The following DNAH3 variants were observed in gnomAD, a reference collection of about 807,000 sequenced individuals.
The protein encoded by DNAH3 is dynein axonemal heavy chain 3.
A neutral mutation model predicts 432.5 loss-of-function variants in DNAH3; 332 were observed. The ratio of observed to expected loss-of-function variants is 0.77; its 90% CI spans 0.70 to 0.84. DNAH3 has a LOEUF of 0.84. Among genes scored for constraint, DNAH3 ranks in the 40% least tolerant of loss-of-function variants. The pLI is 0.00. For missense variants in DNAH3, 4,861 were observed against 5,114.0 expected (o/e 0.95, Z 1.51); for synonymous variants, 1,956 against 1,900.2 (o/e 1.03, Z -0.76).
chr16:21,118,121 G>C (rs1364677341), intron 11 of DNAH3, among the ~76,000 whole-genome samples: 1 of 151,976 alleles, frequency 6.6e-6, no homozygotes, highest in East Asian at 1.9e-4. Context: ...CCGAGTAGCT[G>C]GGATTACAGG....
At chr16:21,037,801 T>C in exon 34 of DNAH3, 4 of 1,614,168 alleles carry the variant, frequency 2.5e-6, no homozygotes, top group Non-Finnish European at 3.4e-6. Context: ...CTTGGCCAGA[T>C]TGACATCAAG....
intron 27 of DNAH3, among the ~76,000 whole-genome samples, chr16:21,055,634 G>A (rs2090106144): frequency 6.6e-6 from 1 of 151,952 alleles, no homozygotes; most frequent in East Asian, 1.9e-4. Flanking sequence ...AGGAAAAAAA[G>A]TAAGACCACC....
chr16:21,029,910 GA>G (rs2088786319), intron 37 of DNAH3, among the ~76,000 whole-genome samples: 1 of 152,110 alleles, frequency 6.6e-6, no homozygotes, highest in Non-Finnish European at 1.5e-5. Context: ...CAGTAGCCAT[GA>G]CTTCCAGACT....
At chr16:21,126,300 G>A (rs574675859) in intron 8 of DNAH3, among the ~76,000 whole-genome samples, 2 of 152,042 alleles carry the variant, frequency 1.3e-5, no homozygotes, top group African/African-American at 2.4e-5. Context: ...TTCTCTGATC[G>A]CTAAAAAGGT....
chr16:20,941,775 T>A (rs1396326698), intron 58 of DNAH3, among the ~76,000 whole-genome samples: 2 of 152,144 alleles, frequency 1.3e-5, no homozygotes. Flanking sequence ...GTCCTGTCCT[T>A]GGCAGAGCAC....
chr16:20,969,338 G>A (rs1332712652), intron 52 of DNAH3, among the ~76,000 whole-genome samples: 1 of 151,986 alleles, frequency 6.6e-6, no homozygotes, highest in African/African-American at 2.4e-5. Context: ...AGGTGTCTGG[G>A]TCTCCATTTA....
intron 60 of DNAH3, 60 bp from the exon 61 acceptor site, chr16:20,935,545 C>T: frequency 6.4e-7 from 1 of 1,566,274 alleles, no homozygotes; most frequent in Non-Finnish European, 8.7e-7. Context: ...AGTTCAAATG[C>T]AAGTAATGTA....
intron 50 of DNAH3, among the ~76,000 whole-genome samples, chr16:20,977,002 G>A (rs1289590604): frequency 6.6e-6 from 1 of 152,184 alleles, no homozygotes; most frequent in Non-Finnish European, 1.5e-5. Flanking sequence ...TTCCTGCCAA[G>A]TAGTTTTCTG....
At position 21,148,517 on chromosome 16, in the gene DNAH3, A is replaced by C. The variant is rs561760722; in HGVS notation, c.118-2429T>G. On this transcript the variant is annotated intron_variant, in intron 1 of 61. Transcript: ENST00000261383. Reference sequence around the variant, plus strand: ...CAGTGACACAATCTTGGCTCACTACAACTGCAACCTCCACCCCCTAGGTTC... The same window carrying C: ...CAGTGACACAATCTTGGCTCACTACCACTGCAACCTCCACCCCCTAGGTTC... 9.2e-5 allele frequency among the ~76,000 whole-genome samples: 14 copies of C among 151,398 alleles called. No homozygotes were observed. The South Asian group carries it at 2.1e-3, about 23-fold the overall frequency.
At chr16:21,083,047 C>T (rs1470399798) in intron 19 of DNAH3, among the ~76,000 whole-genome samples, 4 of 147,756 alleles carry the variant, frequency 2.7e-5, no homozygotes, top group Non-Finnish European at 5.9e-5. Flanking sequence ...GAGAGAGTCT[C>T]GCTCTGTCAC....
chr16:21,091,313 T>A (rs890947490), intron 18 of DNAH3, among the ~76,000 whole-genome samples: 19 of 151,784 alleles, frequency 1.3e-4, no homozygotes, highest in Non-Finnish European at 2.4e-4. Flanking sequence ...GAATATCACA[T>A]TGAACCCCAT....
At chr16:21,016,633 A>G (rs553344989) in intron 41 of DNAH3, among the ~76,000 whole-genome samples, 1 of 152,312 alleles carries the variant, frequency 6.6e-6, no homozygotes, top group African/African-American at 2.4e-5. Flanking sequence ...TAGCATTAAC[A>G]TATGATCCAG....
At position 20,997,355 on chromosome 16, in the gene DNAH3, TG is replaced by T. The variant is rs1567610055; in HGVS notation, c.6528del (p.Arg2177GlyfsTer10). On this transcript the variant is annotated frameshift_variant, in exon 44 of 62. Transcript: ENST00000261383. LOFTEE classifies it high-confidence loss of function. ...AGCAGCATGTCCACGATGTCCAGCC[TG>T]GTTGTGTCTTTTTTGTCAAACCAGT... 6.2e-7 allele frequency: 1 copy of T among 1,614,210 alleles called. No individual in the cohort carries two copies. Among genetic ancestry groups the T allele is most frequent in the Admixed American group, 1.7e-5 (1 of 60,022 alleles).
chr16:20,936,858 A>G lies in DNAH3; in HGVS notation c.11655-5T>C, dbSNP rs1359187772. On this transcript the variant is annotated splice_polypyrimidine_tract_variant and splice_region_variant and intron_variant, in intron 59 of 61. Coordinates refer to ENST00000261383, the Ensembl canonical transcript of DNAH3. ...CTCCGAACCACTTTGGTCAGCCTGCAAGAACAGAGGAGCTGGCTGAGCTGG... is the reference window on the plus strand; with the variant it reads ...CTCCGAACCACTTTGGTCAGCCTGCGAGAACAGAGGAGCTGGCTGAGCTGG... 1.9e-6 allele frequency: 3 copies of G among 1,607,572 alleles called. No homozygotes were observed. The highest frequency in any genetic ancestry group is 2.5e-6 in the Non-Finnish European group (3 of 1,177,152).
At chr16:21,106,329 T>C (rs1597387878) in intron 15 of DNAH3, among the ~76,000 whole-genome samples, 161 bp downstream of exon 15, 1 of 152,170 alleles carries the variant, frequency 6.6e-6, no homozygotes, top group East Asian at 1.9e-4. Context: ...GAAAGGCAGC[T>C]CTTTTATATT....
intron 1 of DNAH3, among the ~76,000 whole-genome samples, chr16:21,152,854 G>A (rs2092870251): frequency 6.6e-6 from 1 of 152,254 alleles, no homozygotes; most frequent in Admixed American, 6.5e-5. Flanking sequence ...CTCGGGACTT[G>A]CAGCCCGCCA....
intron 12 of DNAH3, among the ~76,000 whole-genome samples, chr16:21,114,102 T>G (rs576958152): frequency 1.3e-5 from 2 of 152,344 alleles, no homozygotes; most frequent in African/African-American, 4.8e-5. Flanking sequence ...AAATAAAAGT[T>G]ATATGAATGT....
intron 52 of DNAH3, among the ~76,000 whole-genome samples, chr16:20,966,014 A>ATTTTTTTTTTTTTT (rs555983378): frequency 1.7e-4 from 8 of 48,388 alleles, no homozygotes; most frequent in African/African-American, 3.3e-4. Context: ...TGCCCAGCCA[A>ATTTTTTTTTTTTTT]TTTTTTTTTT....
exon 36 of DNAH3, chr16:21,034,033 A>G (rs1448287101): frequency 1.4e-5 from 22 of 1,613,788 alleles, no homozygotes; most frequent in Non-Finnish European, 1.9e-5. Flanking sequence ...CTTGCCGCCC[A>G]TGGGGTCTCC....
Sources: gnomAD v4.1 joint callset for allele counts (sites outside exome capture counted in the v4.1 genomes callset) on GRCh38, gnomAD v4.1.1 for gene constraint, MANE v1.5 for transcripts, NCBI Gene and HGNC (gene_info 2026-07-23, HGNC 2026-07-21) for gene names.